OXA1L: variants seen among roughly 807,000 people sequenced by gnomAD.
OXA1L encodes OXA1L mitochondrial inner membrane insertase, also known as mitochondrial inner membrane protein OXA1L.
Under a neutral mutation model 52.2 loss-of-function variants are expected in OXA1L, and 42 were observed. That is an observed-to-expected ratio of 0.80 (90% CI 0.63 to 1.04). The LOEUF (loss-of-function observed/expected upper bound fraction) is 1.04, where lower values mean the gene tolerates loss of function less well. OXA1L is among the 50% of genes least tolerant of loss of function. The pLI is 0.00. For synonymous variants in OXA1L, 239 were observed against 201.9 expected, an observed-to-expected ratio of 1.18 and a Z score of -1.56; for missense variants, 572 against 555.0, an observed-to-expected ratio of 1.03 and a Z score of -0.31.
chr14:22,771,406 T>C (rs1326306573), intron 9 of OXA1L, 28 bp from the exon 10 acceptor site: 3 of 1,614,006 alleles, frequency 1.9e-6, no homozygotes, highest in Non-Finnish European at 2.5e-6. Flanking sequence ...TGTTCTTCGT[T>C]GAAATTTGTT....
chr14:22,769,401 G>A (rs185035363), intron 3 of OXA1L, among the ~76,000 whole-genome samples: 171 of 152,272 alleles, frequency 1.1e-3, no homozygotes, highest in Non-Finnish European at 2.1e-3. Flanking sequence ...TTTGATAGCT[G>A]TTACTTAAAA....
At position 22,770,909 on chromosome 14, in the gene OXA1L, G is replaced by A. The variant is rs138256818; in HGVS notation, c.939G>A (p.Thr313=). The A allele has an allele frequency of 1.5e-5, 24 of 1,613,554 alleles. No individual in the cohort carries two copies. The highest frequency in any genetic ancestry group is 2.2e-5 in the East Asian group (1 of 44,900). ...TGCCCATAACCATGCATTTCCCCAC[G>A]GTATGTAATGCCTTATGGGCTGGCT... ...ITLPITMHFP[T]AVFMYWLSSN... is the part of the protein sequence containing the mutation. The change falls in exon 7 of 10, where the codon ACG becomes ACA. Residue 313 remains threonine, a splice_region_variant and synonymous_variant. Transcript: ENST00000612549.
At chr14:22,770,964 A>G in intron 7 of OXA1L, 54 bp from the exon 8 acceptor site, 1 of 1,612,654 alleles carries the variant, frequency 6.2e-7, no homozygotes. Context: ...CTAGCCACCT[A>G]GCAAGCTGAC....
chr14:22,770,405 T>G, intron 5 of OXA1L, 56 bp from the exon 6 acceptor site: 1 of 1,588,752 alleles, frequency 6.3e-7, no homozygotes, highest in South Asian at 1.1e-5. Context: ...AGTAGTGGGG[T>G]GATGAAAATG....
chr14:22,767,961 C>T lies in OXA1L; in HGVS notation c.229C>T (p.Gln77Ter), dbSNP rs773987424. ...SAISFAEVQV[Q>*]APPVVAATPS... Reference sequence around the variant, plus strand: ...TACAAGGCTTTCTTTCACACAGGTTCAGGCCCCTCCTGTTGTTGCTGCAAC... The same window carrying T: ...TACAAGGCTTTCTTTCACACAGGTTTAGGCCCCTCCTGTTGTTGCTGCAAC... The change falls in exon 3 of 10, where the codon CAG becomes TAG. Residue 77 changes from glutamine to a stop codon, truncating the protein, a stop_gained. Transcript: ENST00000612549. LOFTEE classifies it high-confidence loss of function. The T allele has an allele frequency of 6.8e-6, 11 of 1,610,768 alleles. No individual in the cohort carries two copies.
intron 1 of OXA1L, 106 bp downstream of exon 1, chr14:22,766,870 G>A: frequency 3.8e-6 from 6 of 1,560,404 alleles, no homozygotes; most frequent in Non-Finnish European, 5.2e-6. Context: ...CCTGCTCACC[G>A]GGACCTGAAT....
At position 22,766,763 on chromosome 14, in the gene OXA1L, G is replaced by C; in HGVS notation, c.62G>C (p.Arg21Pro). Residue 21 changes from arginine to proline, a missense_variant and splice_region_variant, in exon 1 of 10, where the codon CGG (arginine) becomes CCG (proline). This residue lies in a region of OXA1L where 186 missense variants were observed against 151.8 expected (regional missense o/e 1.23). Coordinates refer to ENST00000612549, the MANE Select transcript of OXA1L (RefSeq NM_005015.5). ...ELLRLLQSGR[R>P]VHSVAGPSQW... ...CTGCGCTTGCTACAGTCCGGGCGTC[G>C]GGTAAGGATGCCCCGGGGCAGAGCA... 1 of 1,614,146 alleles carries C rather than the reference G, an allele frequency of 6.2e-7. No homozygotes were observed. Among genetic ancestry groups the C allele is most frequent in the Non-Finnish European group, 8.5e-7 (1 of 1,180,024 alleles).
chr14:22,767,370 C>G lies in OXA1L; in HGVS notation c.186C>G (p.Arg62=), dbSNP rs758435634. The change falls in exon 2 of 10, where the codon CGC becomes CGG. Residue 62 remains arginine, a synonymous_variant. Coordinates refer to ENST00000612549, the MANE Select transcript of OXA1L (RefSeq NM_005015.5). ...TCTTCCTTGCGGCTTCCGGCCCCCGCAGCCTCAGTACCTCTGCTATCTCTT... is the reference window on the plus strand; with the variant it reads ...TCTTCCTTGCGGCTTCCGGCCCCCGGAGCCTCAGTACCTCTGCTATCTCTT... ...HYLFLAASGP[R]SLSTSAISFA... is the part of the protein sequence containing the mutation. 6.2e-7 allele frequency: 1 copy of G among 1,613,710 alleles called. No homozygotes were observed. The highest frequency in any genetic ancestry group is 1.7e-5 in the Admixed American group (1 of 59,928).
chr14:22,767,292 G>C lies in OXA1L; in HGVS notation c.108G>C (p.Leu36=), dbSNP rs745854658. The part of the protein sequence containing the change: ...AGPSQWLGKP[L]TTRLLFPAAP... ...CCTCGCAATGGCTTGGGAAACCGCT[G>C]ACCACACGGCTCCTATTCCCAGCAG... The change falls in exon 2 of 10, where the codon CTG becomes CTC. Residue 36 remains leucine, a synonymous_variant. Transcript: ENST00000612549. 5.0e-6 allele frequency: 8 copies of C among 1,613,110 alleles called. No homozygotes were observed. Among genetic ancestry groups the C allele is most frequent in the Non-Finnish European group, 5.9e-6 (7 of 1,179,818 alleles).
At chr14:22,767,598 C>T (rs1260239192) in intron 2 of OXA1L, 189 bp downstream of exon 2, 1 of 559,812 alleles carries the variant, frequency 1.8e-6, no homozygotes, top group East Asian at 3.0e-5. Flanking sequence ...GAAAGTACAA[C>T]AGGAGAGATG....
chr14:22,767,211 C>T (rs373824771), intron 1 of OXA1L, 37 bp from the exon 2 acceptor site: 6 of 1,581,280 alleles, frequency 3.8e-6, no homozygotes, highest in South Asian at 3.4e-5. Context: ...ACTTCTGCTC[C>T]CGGTAAAGGG....
Position 22,767,287 on chromosome 14 carries a change from C to G in OXA1L, c.103C>G (p.Pro35Ala), listed in dbSNP as rs2038415619. 12 of 1,613,052 alleles carry G rather than the reference C, an allele frequency of 7.4e-6. No homozygotes were observed. Among genetic ancestry groups the G allele is most frequent in the Non-Finnish European group, 1.0e-5 (12 of 1,179,720 alleles). Residue 35 changes from proline to alanine, a missense_variant, in exon 2 of 10, where the codon CCG (proline) becomes GCG (alanine). This residue lies in a region of OXA1L where 186 missense variants were observed against 151.8 expected (regional missense o/e 1.23). Transcript: ENST00000612549. ...VAGPSQWLGK[P>A]LTTRLLFPAA... ...AGGGCCCTCGCAATGGCTTGGGAAA[C>G]CGCTGACCACACGGCTCCTATTCCC...
At position 22,771,071 on chromosome 14, in the gene OXA1L, C is replaced by T. The variant is rs979043147; in HGVS notation, c.993C>T (p.Ser331=). Reference sequence around the variant, plus strand: ...ATTTGTTTTCCCTGGTCCAAGTATCCTGTCTCCGGATTCCAGCAGTACGCA... The same window carrying T: ...ATTTGTTTTCCCTGGTCCAAGTATCTTGTCTCCGGATTCCAGCAGTACGCA... ...SSNLFSLVQV[S]CLRIPAVRTV... Residue 331 remains serine, a synonymous_variant, in exon 8 of 10, where the codon TCC becomes TCT. Transcript: ENST00000612549. 8 of 1,614,194 alleles carry T rather than the reference C, an allele frequency of 5.0e-6. No individual in the cohort carries two copies. Among genetic ancestry groups the T allele is most frequent in the Non-Finnish European group, 6.8e-6 (8 of 1,180,020 alleles).
At chr14:22,770,125 A>T in intron 4 of OXA1L, 68 bp from the exon 5 acceptor site, 1 of 1,335,930 alleles carries the variant, frequency 7.5e-7, no homozygotes, top group South Asian at 1.2e-5. Context: ...GGCCAGGTAG[A>T]TAATGAGGAT....
In OXA1L at chr14:22,767,370, C is replaced by T. The variant is rs758435634; in HGVS notation, c.186C>T (p.Arg62=). The change falls in exon 2 of 10, where the codon CGC becomes CGT. Residue 62 remains arginine, a synonymous_variant. Coordinates refer to ENST00000612549, the MANE Select transcript of OXA1L (RefSeq NM_005015.5). ...HYLFLAASGP[R]SLSTSAISFA... is the part of the protein sequence containing the mutation. ...TCTTCCTTGCGGCTTCCGGCCCCCGCAGCCTCAGTACCTCTGCTATCTCTT... is the reference window on the plus strand; with the variant it reads ...TCTTCCTTGCGGCTTCCGGCCCCCGTAGCCTCAGTACCTCTGCTATCTCTT... 9 of 1,613,592 alleles carry T rather than the reference C, an allele frequency of 5.6e-6. No homozygotes were observed. The highest frequency in any genetic ancestry group is 6.8e-6 in the Non-Finnish European group (8 of 1,179,830).
In OXA1L at chr14:22,766,712, G is replaced by C. The variant is rs938257097; in HGVS notation, c.11G>C (p.Gly4Ala). The change falls in exon 1 of 10, where the codon GGA (glycine) becomes GCA (alanine). Residue 4 changes from glycine to alanine, a missense_variant. Gly to Ala is a moderately conservative substitution (Grantham distance 60). Transcript: ENST00000612549. MAM[G>A]LMCGRRELLR... Reference sequence around the variant, plus strand: ...CCTCTTCCGGGCAAAATGGCGATGGGACTAATGTGCGGACGCCGGGAGCTT... The same window carrying C: ...CCTCTTCCGGGCAAAATGGCGATGGCACTAATGTGCGGACGCCGGGAGCTT... 14 of 1,614,292 alleles carry C rather than the reference G, an allele frequency of 8.7e-6. No homozygotes were observed. Among genetic ancestry groups the C allele is most frequent in the Non-Finnish European group, 1.2e-5 (14 of 1,180,058 alleles).
intron 1 of OXA1L, 105 bp downstream of exon 1, chr14:22,766,869 C>A: frequency 6.4e-7 from 1 of 1,560,858 alleles, no homozygotes; most frequent in South Asian, 1.2e-5. Flanking sequence ...ACCTGCTCAC[C>A]GGGACCTGAA....
chr14:22,767,244 T>A lies in OXA1L; in HGVS notation c.64-4T>A. ...GGGGCTCCATCATCCTTTTACACGCTCAGGTCCACAGCGTCGCAGGGCCCT... is the reference window on the plus strand; with the variant it reads ...GGGGCTCCATCATCCTTTTACACGCACAGGTCCACAGCGTCGCAGGGCCCT... On this transcript the variant is annotated splice_region_variant and splice_polypyrimidine_tract_variant and intron_variant, in intron 1 of 9. Coordinates refer to ENST00000612549, the MANE Select transcript of OXA1L (RefSeq NM_005015.5). 1 of 1,603,282 alleles carries A rather than the reference T, an allele frequency of 6.2e-7. No individual in the cohort carries two copies.
chr14:22,770,409 G>A (rs1384876354), intron 5 of OXA1L, 52 bp from the exon 6 acceptor site: 1 of 1,597,666 alleles, frequency 6.3e-7, no homozygotes, highest in East Asian at 2.2e-5. Flanking sequence ...GTGGGGTGAT[G>A]AAAATGTTCT....
Sources: gnomAD v4.1 joint callset for allele counts (sites outside exome capture counted in the v4.1 genomes callset) on GRCh38, gnomAD v4.1.1 for gene constraint, gnomAD v4.1.1 regional missense constraint, MANE v1.5 for transcripts, NCBI Gene and HGNC (gene_info 2026-07-23, HGNC 2026-07-21) for gene names.